The following ZNF385C variants were observed in gnomAD, a reference collection of about 807,000 sequenced individuals.
The protein encoded by ZNF385C is zinc finger protein 385C, also known as CTD-2132N18.2.
Under a neutral mutation model 35.4 loss-of-function variants are expected in ZNF385C, and 28 were observed. The observed-to-expected ratio is 0.79, with a 90% CI of 0.59 to 1.08. The LOEUF (loss-of-function observed/expected upper bound fraction) is 1.08. Among genes scored for constraint, ZNF385C ranks in the 50% least tolerant of loss-of-function variants. The pLI is 0.00. For missense variants in ZNF385C, 605 were observed against 595.6 expected (o/e 1.02, Z -0.16); for synonymous variants, 248 against 248.2 (o/e 1.00, Z 0.01).
At chr17:42,067,560 G>A (rs1598198823) in intron 1 of ZNF385C, among the ~76,000 whole-genome samples, 1 of 152,164 alleles carries the variant, frequency 6.6e-6, no homozygotes, top group Non-Finnish European at 1.5e-5. Context: ...GGGCAATGCA[G>A]CTGTCTCCTG....
intron 2 of ZNF385C, among the ~76,000 whole-genome samples, chr17:42,042,450 A>G (rs1555656222): frequency 6.6e-6 from 1 of 152,100 alleles, no homozygotes; most frequent in Non-Finnish European, 1.5e-5. Flanking sequence ...TGAGCCAGGA[A>G]GGCAGAGGTT....
chr17:42,028,304 G>A, intron 6 of ZNF385C, 58 bp from the exon 7 acceptor site: 1 of 1,478,012 alleles, frequency 6.8e-7, no homozygotes. Flanking sequence ...GGGCCACAGA[G>A]ACCCCCTCCA....
intron 2 of ZNF385C, chr17:42,038,093 A>G: frequency 2.6e-6 from 4 of 1,531,912 alleles, no homozygotes; most frequent in Non-Finnish European, 3.5e-6. Flanking sequence ...CAGGGAGTCC[A>G]CAGTTGAGGC....
intron 6 of ZNF385C, 49 bp from the exon 7 acceptor site, chr17:42,028,295 G>A (rs2052644437): frequency 5.3e-6 from 8 of 1,495,976 alleles, no homozygotes; most frequent in Non-Finnish European, 7.1e-6. Flanking sequence ...GGGTTGCAGG[G>A]GCCACAGAGA....
chr17:42,075,492 CTTTTTTTTTT>C (rs1233607606), intron 1 of ZNF385C, among the ~76,000 whole-genome samples: 2 of 135,516 alleles, frequency 1.5e-5, no homozygotes, highest in African/African-American at 2.8e-5. Context: ...CTTTATACTC[CTTTTTTTTTT>C]TTTTTTTTTT....
intron 1 of ZNF385C, among the ~76,000 whole-genome samples, chr17:42,083,162 C>T (rs1284741649): frequency 2.0e-5 from 3 of 151,900 alleles, no homozygotes; most frequent in African/African-American, 7.3e-5. Flanking sequence ...TTTTGCTTGC[C>T]AGCATAATTT....
intron 1 of ZNF385C, among the ~76,000 whole-genome samples, chr17:42,073,097 T>G (rs1229278588): frequency 6.6e-6 from 1 of 152,168 alleles, no homozygotes; most frequent in Non-Finnish European, 1.5e-5. Flanking sequence ...AGAACCACTC[T>G]GCCCAGAGCG....
chr17:42,086,380 TTAAA>T (rs1362401985), intron 1 of ZNF385C, among the ~76,000 whole-genome samples: 1 of 149,674 alleles, frequency 6.7e-6, no homozygotes, highest in African/African-American at 2.5e-5. Flanking sequence ...AGACTTTGTC[TTAAA>T]TAAATAAATA....
intron 1 of ZNF385C, among the ~76,000 whole-genome samples, chr17:42,074,844 A>T (rs1053886646): frequency 6.6e-6 from 1 of 152,210 alleles, no homozygotes; most frequent in Non-Finnish European, 1.5e-5. Context: ...GGAGAATTGC[A>T]GTTGTTCAGA....
At chr17:42,041,189 CCT>C in intron 2 of ZNF385C, 1 of 1,232,518 alleles carries the variant, frequency 8.1e-7, no homozygotes, top group Non-Finnish European at 1.0e-6. Context: ...GCAATGGCCA[CCT>C]GGGACAGCCA....
At chr17:42,053,358 G>T (rs978997237) in intron 2 of ZNF385C, among the ~76,000 whole-genome samples, 2 of 151,930 alleles carry the variant, frequency 1.3e-5, no homozygotes, top group African/African-American at 4.8e-5. Flanking sequence ...CATTGATTTG[G>T]ACCCCAGTGC....
chr17:42,067,794 T>C (rs1555658539), intron 1 of ZNF385C, among the ~76,000 whole-genome samples: 1 of 152,030 alleles, frequency 6.6e-6, no homozygotes, highest in East Asian at 1.9e-4. Flanking sequence ...CAAGTGTTGG[T>C]GGGGGGAGAG....
intron 2 of ZNF385C, among the ~76,000 whole-genome samples, chr17:42,059,065 G>T (rs1470067791): frequency 1.3e-5 from 2 of 152,170 alleles, no homozygotes; most frequent in Non-Finnish European, 2.9e-5. Context: ...GAGGGTCATG[G>T]CCCAGGGCAG....
At chr17:42,088,500 C>T (rs1314320522) in intron 1 of ZNF385C, among the ~76,000 whole-genome samples, 2 of 152,268 alleles carry the variant, frequency 1.3e-5, no homozygotes, top group Non-Finnish European at 2.9e-5. Flanking sequence ...GGTCTGCGGC[C>T]GCCTGGGCGG....
intron 1 of ZNF385C, among the ~76,000 whole-genome samples, chr17:42,085,443 C>CT (rs879990133): frequency 0.022 from 3,034 of 137,716 alleles, 95 homozygotes; most frequent in African/African-American, 0.071. Context: ...TAATTTTTTT[C>CT]TTTTTTTTTT....
chr17:42,068,092 C>T (rs1555658567), intron 1 of ZNF385C, among the ~76,000 whole-genome samples: 1 of 152,188 alleles, frequency 6.6e-6, no homozygotes, highest in Non-Finnish European at 1.5e-5. Flanking sequence ...CTGACCCAGC[C>T]TTCCCAGCTG....
chr17:42,063,766 C>T (rs2053501526), intron 1 of ZNF385C, among the ~76,000 whole-genome samples: 1 of 152,134 alleles, frequency 6.6e-6, no homozygotes, highest in Non-Finnish European at 1.5e-5. Flanking sequence ...GTTCTCAGCT[C>T]TACAGCAAGC....
intron 2 of ZNF385C, among the ~76,000 whole-genome samples, chr17:42,049,289 T>A (rs1244125060): frequency 6.6e-6 from 1 of 152,242 alleles, no homozygotes; most frequent in Non-Finnish European, 1.5e-5. Flanking sequence ...TCCCTGTTTG[T>A]TCTCTCCATT....
intron 1 of ZNF385C, among the ~76,000 whole-genome samples, chr17:42,070,559 C>T (rs1206295415): frequency 6.6e-6 from 1 of 152,144 alleles, no homozygotes; most frequent in African/African-American, 2.4e-5. Context: ...AGAAACATCG[C>T]CTCCATGAAT....
Sources: allele counts gnomAD v4.1 joint callset (sites outside exome capture counted in the v4.1 genomes callset), GRCh38; gene constraint gnomAD v4.1.1; transcripts MANE v1.5; gene names NCBI Gene and HGNC (gene_info 2026-07-23, HGNC 2026-07-21).